GPC5: variants seen among roughly 807,000 people sequenced by gnomAD.
GPC5 encodes the protein glypican-5.
A neutral mutation model predicts 53.9 loss-of-function variants in GPC5; 47 were observed. The ratio of observed to expected loss-of-function variants is 0.87; its 90% confidence interval spans 0.69 to 1.11. The LOEUF (loss-of-function observed/expected upper bound fraction) is 1.11. Among genes scored for constraint, GPC5 ranks in the 50% most tolerant of loss-of-function variants. GPC5 has a pLI of 0.00. For synonymous variants in GPC5, 286 were observed against 263.3 expected (o/e 1.09, Z -0.84); for missense variants, 748 against 713.1 (o/e 1.05, Z -0.56).
chr13:92,552,343 A>T lies in GPC5; in HGVS notation c.1562-313939A>T, dbSNP rs138641293. 6.6e-3 allele frequency among the ~76,000 whole-genome samples: 998 copies of T among 152,054 alleles called. 6 individuals carry two copies. The highest frequency in any genetic ancestry group is 0.017 in the Middle Eastern group (5 of 294). On this transcript the variant is annotated intron_variant, in intron 7 of 7. Coordinates refer to ENST00000377067, the MANE Select transcript of GPC5 (RefSeq NM_004466.6). ...CAAAATAAGGATTAACAGAAAAAAG[A>T]AAAAGAAGAACAACAGATAAGATAT...
At chr13:92,148,958 C>T (rs1413013918) in intron 7 of GPC5, among the ~76,000 whole-genome samples, 1 of 151,966 alleles carries the variant, frequency 6.6e-6, no homozygotes, top group Non-Finnish European at 1.5e-5. Flanking sequence ...GCATTGTTTA[C>T]AATTCTTATG....
intron 7 of GPC5, among the ~76,000 whole-genome samples, chr13:92,819,438 C>T (rs1877599705): frequency 6.6e-6 from 1 of 152,130 alleles, no homozygotes; most frequent in African/African-American, 2.4e-5. Context: ...CTTTAATTCC[C>T]TCATTAATAA....
chr13:91,779,673 A>T (rs2037766274), intron 5 of GPC5, among the ~76,000 whole-genome samples: 1 of 152,122 alleles, frequency 6.6e-6, no homozygotes, highest in African/African-American at 2.4e-5. Flanking sequence ...TTTTTACTTT[A>T]AAAAATTGTA....
intron 6 of GPC5, among the ~76,000 whole-genome samples, chr13:92,121,810 T>C (rs2041651701): frequency 6.6e-6 from 1 of 152,176 alleles, no homozygotes; most frequent in Non-Finnish European, 1.5e-5. Flanking sequence ...TTAAATGGGA[T>C]AGTGGCCAAG....
intron 1 of GPC5, among the ~76,000 whole-genome samples, chr13:91,418,170 C>T (rs181477455): frequency 1.3e-5 from 2 of 151,886 alleles, no homozygotes; most frequent in East Asian, 1.9e-4. Context: ...ATATATAGAG[C>T]GTTTAGTACT....
At chr13:92,562,697 G>A (rs1456292615) in intron 7 of GPC5, among the ~76,000 whole-genome samples, 1 of 151,922 alleles carries the variant, frequency 6.6e-6, no homozygotes, top group African/African-American at 2.4e-5. Flanking sequence ...TCCAGTCCAA[G>A]AGAGTTACAT....
intron 2 of GPC5, among the ~76,000 whole-genome samples, chr13:91,649,401 C>T (rs2034640892): frequency 6.6e-6 from 1 of 152,158 alleles, no homozygotes; most frequent in Admixed American, 6.5e-5. Context: ...ATAACTACTA[C>T]ACACGTTTCT....
intron 7 of GPC5, among the ~76,000 whole-genome samples, chr13:92,715,146 GT>G (rs1213377293): frequency 6.6e-6 from 1 of 152,132 alleles, no homozygotes; most frequent in Non-Finnish European, 1.5e-5. Context: ...ACGTATACAT[GT>G]TGCAACGAAA....
chr13:92,416,174 A>G (rs1288764203), intron 7 of GPC5, among the ~76,000 whole-genome samples: 2 of 152,226 alleles, frequency 1.3e-5, no homozygotes, highest in African/African-American at 4.8e-5. Flanking sequence ...ATTGTATCCT[A>G]GTCTTCTCCA....
At chr13:92,274,521 G>A (rs1213637654) in intron 7 of GPC5, among the ~76,000 whole-genome samples, 2 of 152,054 alleles carry the variant, frequency 1.3e-5, no homozygotes, top group Non-Finnish European at 2.9e-5. Flanking sequence ...CTCTGGATTT[G>A]TGTCCCTATG....
intron 2 of GPC5, among the ~76,000 whole-genome samples, chr13:91,619,195 G>A (rs1353600249): frequency 6.6e-6 from 1 of 151,980 alleles, no homozygotes; most frequent in Admixed American, 6.6e-5. Context: ...AAGAACAGCT[G>A]TTAAACATTT....
intron 2 of GPC5, among the ~76,000 whole-genome samples, chr13:91,610,692 T>G (rs2033520588): frequency 6.6e-6 from 1 of 152,238 alleles, no homozygotes; most frequent in Admixed American, 6.5e-5. Flanking sequence ...TTTTAAAAAC[T>G]GTTATGATTA....
intron 2 of GPC5, among the ~76,000 whole-genome samples, chr13:91,615,172 G>A (rs2033661895): frequency 6.6e-6 from 1 of 152,272 alleles, no homozygotes; most frequent in Admixed American, 6.5e-5. Context: ...TACAGCCAAG[G>A]TGGACACTTA....
chr13:91,637,433 C>T (rs2034312046), intron 2 of GPC5, among the ~76,000 whole-genome samples: 1 of 152,146 alleles, frequency 6.6e-6, no homozygotes, highest in African/African-American at 2.4e-5. Context: ...AAAAGACATT[C>T]CCAGGCAACA....
At chr13:92,682,317 G>T (rs1887135821) in intron 7 of GPC5, among the ~76,000 whole-genome samples, 1 of 152,088 alleles carries the variant, frequency 6.6e-6, no homozygotes, top group African/African-American at 2.4e-5. Context: ...TTTGCCTATT[G>T]CTACTTTGAA....
intron 2 of GPC5, among the ~76,000 whole-genome samples, chr13:91,563,704 G>GT (rs1311963775): frequency 1.3e-5 from 2 of 152,152 alleles, no homozygotes; most frequent in Admixed American, 1.3e-4. Context: ...GGACTAAGCT[G>GT]TGTAATCCTT....
intron 7 of GPC5, among the ~76,000 whole-genome samples, chr13:92,583,230 T>A (rs1485058929): frequency 6.6e-6 from 1 of 152,226 alleles, no homozygotes; most frequent in Non-Finnish European, 1.5e-5. Flanking sequence ...ATTTTCTGCA[T>A]CTATGGAAAT....
intron 7 of GPC5, among the ~76,000 whole-genome samples, chr13:92,650,261 G>A (rs191066578): frequency 6.6e-6 from 1 of 152,046 alleles, no homozygotes; most frequent in East Asian, 1.9e-4. Flanking sequence ...TACGCTTTCA[G>A]GATAACAAGT....
intron 6 of GPC5, among the ~76,000 whole-genome samples, chr13:92,071,071 A>G (rs1825486829): frequency 6.6e-6 from 1 of 152,022 alleles, no homozygotes; most frequent in South Asian, 2.1e-4. Flanking sequence ...CCCTGTCTCT[A>G]CTAAAAATAC....
Sources: gnomAD v4.1 joint callset for allele counts (sites outside exome capture counted in the v4.1 genomes callset) on GRCh38, gnomAD v4.1.1 for gene constraint, MANE v1.5 for transcripts, NCBI Gene and HGNC (gene_info 2026-07-23, HGNC 2026-07-21) for gene names.